MUSTN1: variants seen among roughly 807,000 people sequenced by gnomAD.
The protein encoded by MUSTN1 is musculoskeletal, embryonic nuclear protein 1.
Under a neutral mutation model 11.8 loss-of-function variants are expected in MUSTN1, and 14 were observed. The ratio of observed to expected loss-of-function variants is 1.18; its 90% CI spans 0.78 to 1.85. The LOEUF is 1.85. MUSTN1 is among the 40% of genes most tolerant of loss of function. The pLI is 0.00. For synonymous variants in MUSTN1, 42 were observed against 43.3 expected (o/e 0.97, Z 0.12); for missense variants, 111 against 108.8 (o/e 1.02, Z -0.09).
intron 2 of MUSTN1, 80 bp downstream of exon 2, chr3:52,833,537 G>T: frequency 6.3e-7 from 1 of 1,583,138 alleles, no homozygotes. Flanking sequence ...TCTCAGAAAA[G>T]GATCCTTGAC....
At chr3:52,834,652 G>GCACACACACACATACA in intron 1 of MUSTN1, 1 of 541,420 alleles carries the variant, frequency 1.8e-6, no homozygotes, top group Non-Finnish European at 3.3e-6. Flanking sequence ...ACACACAGAT[G>GCACACACACACATACA]CGCACACACA....
chr3:52,834,655 C>CAT (rs1700665964), intron 1 of MUSTN1: 2 of 566,268 alleles, frequency 3.5e-6, no homozygotes, highest in East Asian at 5.7e-5. Context: ...CACAGATGCG[C>CAT]ACACACACAC....
intron 1 of MUSTN1, 24 bp downstream of exon 1, chr3:52,834,916 A>G (rs780483028): frequency 1.2e-6 from 2 of 1,612,866 alleles, no homozygotes; most frequent in Non-Finnish European, 1.7e-6. Context: ...TGGCATCAAC[A>G]CAGCCCTTGC....
At position 52,833,439 on chromosome 3, in the gene MUSTN1, G is replaced by A. The variant is rs1700633245; in HGVS notation, c.143-9C>T. 1.2e-6 allele frequency: 2 copies of A among 1,609,702 alleles called. No individual in the cohort carries two copies. Among genetic ancestry groups the A allele is most frequent in the African/African-American group, 2.7e-5 (2 of 74,762 alleles). The stretch of plus-strand genomic sequence containing the variant: ...GGCCGAGCCAGCTTGCTCTGTGGGA[G>A]GAGGTAAAGTCAGGGGCCAGCCTAG... On this transcript the variant is annotated splice_polypyrimidine_tract_variant and intron_variant, in intron 2 of 2. Coordinates refer to ENST00000446157, the MANE Select transcript of MUSTN1 (RefSeq NM_205853.4).
rs753480019 is a variant in MUSTN1 at position 52,833,288 on chromosome 3, G to A, written c.*36C>T. ...GTTCCTGGGAAAGGCTCCTGTTTCC[G>A]AGCATTCGGGCAGCAAGGGGAGTGG... On this transcript the variant is annotated 3_prime_UTR_variant, in exon 3 of 3. Transcript: ENST00000446157. The A allele has an allele frequency of 5.6e-6, 9 of 1,613,086 alleles. No individual in the cohort carries two copies. The Admixed American group carries it at 8.3e-5, about 15-fold the overall frequency.
rs771308785 is a variant in MUSTN1, at chr3:52,833,634, T to A, written c.125A>T (p.Gln42Leu). 1 of 1,610,224 alleles carries A rather than the reference T, an allele frequency of 6.2e-7. No individual in the cohort carries two copies. Among genetic ancestry groups the A allele is most frequent in the South Asian group, 1.1e-5 (1 of 90,038 alleles). The change falls in exon 2 of 3, where the codon CAG becomes CTG. Residue 42 changes from glutamine to leucine, a missense_variant. Gln to Leu is a moderately radical substitution (Grantham distance 113). Transcript: ENST00000446157. Reference protein sequence around the residue: ...KNQEIKSKTYQVMRECEQAGS... With the variant: ...KNQEIKSKTYLVMRECEQAGS... ...ACACTCACCACACTCTCGCATGACCTGGTAGGTCTTGGACTTGATTTCCTG... is the reference window on the plus strand; with the variant it reads ...ACACTCACCACACTCTCGCATGACCAGGTAGGTCTTGGACTTGATTTCCTG...
chr3:52,833,675 T>C lies in MUSTN1; in HGVS notation c.84A>G (p.Gly28=). ...VKDEDLKGAR[G]NLTKNQEIKS... is the part of the protein sequence containing the mutation. ...TGATTTCCTGGTTCTTGGTCAGGTT[T>C]CCTCGGGCCCCCTTCAGGTCCTCGT... The change falls in exon 2 of 3, where the codon GGA becomes GGG. Residue 28 remains glycine (G), a synonymous_variant. Coordinates refer to ENST00000446157, the MANE Select transcript of MUSTN1 (RefSeq NM_205853.4). 1 of 1,605,076 alleles carries C rather than the reference T, an allele frequency of 6.2e-7. No homozygotes were observed. Among genetic ancestry groups the C allele is most frequent in the East Asian group, 2.2e-5 (1 of 44,574 alleles).
intron 1 of MUSTN1, 153 bp downstream of exon 1, chr3:52,834,787 G>A (rs1700669467): frequency 3.4e-6 from 3 of 881,706 alleles, no homozygotes; most frequent in Non-Finnish European, 5.5e-6. Flanking sequence ...GTTCTTCAGG[G>A]GGTCCTCCCT....
chr3:52,833,725 T>C lies in MUSTN1; in HGVS notation c.34A>G (p.Lys12Glu). 1 of 1,585,768 alleles carries C rather than the reference T, an allele frequency of 6.3e-7. No homozygotes were observed. The highest frequency in any genetic ancestry group is 2.3e-5 in the East Asian group (1 of 43,540). Residue 12 changes from lysine (K) to glutamate (E), a missense_variant, in exon 2 of 3, where the codon AAG becomes GAG. Transcript: ENST00000446157. ...SQAGAQEAPI[K>E]KKRPPVKDED... ...TCCTTCACAGGGGGGCGCTTCTTCT[T>C]GATAGGGGCTTCCTGAGCACCAGCC...
chr3:52,834,725 TC>T, intron 1 of MUSTN1: 1 of 681,574 alleles, frequency 1.5e-6, no homozygotes. Flanking sequence ...AACATTTCTC[TC>T]CACTCCTCCT....
Position 52,834,708 on chromosome 3 carries a change from C to G in MUSTN1, c.9+232G>C, listed in dbSNP as rs757213716. On this transcript the variant is annotated intron_variant, in intron 1 of 2. Coordinates refer to ENST00000446157, the MANE Select transcript of MUSTN1 (RefSeq NM_205853.4). ...TGCAAAGATCTATCTAGGCCCCCCC[C>G]ACCCCCAACATTTCTCTCCACTCCT... is the stretch of plus-strand genomic sequence containing the variant. 1.3e-4 allele frequency: 86 copies of G among 652,078 alleles called. No homozygotes were observed. The African/African-American group carries it at 1.4e-3, about 11-fold the overall frequency. The allele number at this position is 652,078 out of a possible 1,614,324, so 40.4% of individuals were successfully genotyped here.
Position 52,833,140 on chromosome 3 carries a change from A to G in MUSTN1, c.*184T>C. On this transcript the variant is annotated 3_prime_UTR_variant, in exon 3 of 3. Transcript: ENST00000446157. ...TTCTGATTGCTGGGGCCACGTGGGC[A>G]TCCTCTTTATTGGTGCTTCCAAGGT... The G allele has an allele frequency of 1.1e-6, 1 of 880,522 alleles. No individual in the cohort carries two copies. The allele number at this position is 880,522 out of a possible 1,614,324, so 54.5% of individuals were successfully genotyped here.
chr3:52,833,262 A>G lies in MUSTN1; in HGVS notation c.*62T>C. ...GAGGAAGCGTTCTGGCATAAAAAAG[A>G]GTTCCTGGGAAAGGCTCCTGTTTCC... On this transcript the variant is annotated 3_prime_UTR_variant, in exon 3 of 3. Transcript: ENST00000446157. 1 of 1,604,140 alleles carries G rather than the reference A, an allele frequency of 6.2e-7. No individual in the cohort carries two copies. Among genetic ancestry groups the G allele is most frequent in the Non-Finnish European group, 8.5e-7 (1 of 1,174,982 alleles).
chr3:52,833,385 G>A lies in MUSTN1; in HGVS notation c.188C>T (p.Thr63Ile), dbSNP rs781145239. Reference protein sequence around the residue: ...AAPSVFSRTRTGTETVFEKPK... With the variant: ...AAPSVFSRTRIGTETVFEKPK... The stretch of plus-strand genomic sequence containing the variant: ...CTTCTCAAAGACAGTCTCGGTACCT[G>A]TGCGGGTGCGGCTGAACACCGACGG... The change falls in exon 3 of 3, where the codon ACA becomes ATA. Residue 63 changes from threonine (T) to isoleucine (I), a missense_variant. Coordinates refer to ENST00000446157, the MANE Select transcript of MUSTN1 (RefSeq NM_205853.4). 3.1e-6 allele frequency: 5 copies of A among 1,613,960 alleles called. No homozygotes were observed. Among genetic ancestry groups the A allele is most frequent in the Middle Eastern group, 1.7e-4 (1 of 6,060 alleles).
chr3:52,833,858 T>G, intron 1 of MUSTN1, 109 bp from the exon 2 acceptor site: 6 of 1,459,688 alleles, frequency 4.1e-6, no homozygotes, highest in Non-Finnish European at 4.5e-6. Context: ...AACCCAAGCC[T>G]ATTCAAGGCT....
intron 1 of MUSTN1, 122 bp from the exon 2 acceptor site, chr3:52,833,871 A>C: frequency 7.0e-7 from 1 of 1,425,818 alleles, no homozygotes; most frequent in East Asian, 2.5e-5. Context: ...TCAAGGCTCT[A>C]CTCCTCTTCC....
chr3:52,834,929 G>A lies in MUSTN1; in HGVS notation c.9+11C>T. The A allele has an allele frequency of 1.9e-6, 3 of 1,613,512 alleles. 1 individual carries two copies. The highest frequency in any genetic ancestry group is 3.3e-4 in the Middle Eastern group (2 of 6,062). On this transcript the variant is annotated intron_variant, in intron 1 of 2. Transcript: ENST00000446157. Reference sequence around the variant, plus strand: ...TCTGGCATCAACACAGCCCTTGCTGGGTCCTCCTACCTGGGACATGGTGGG... The same window carrying A: ...TCTGGCATCAACACAGCCCTTGCTGAGTCCTCCTACCTGGGACATGGTGGG...
At chr3:52,834,726 C>G in intron 1 of MUSTN1, 1 of 692,086 alleles carries the variant, frequency 1.4e-6, no homozygotes, top group Non-Finnish European at 2.6e-6. Context: ...ACATTTCTCT[C>G]CACTCCTCCT....
chr3:52,833,582 C>T, intron 2 of MUSTN1, 35 bp downstream of exon 2: 1 of 1,606,176 alleles, frequency 6.2e-7, no homozygotes. Flanking sequence ...ACCTGCACCC[C>T]CATCCCCAGC....
Sources: gnomAD v4.1 joint callset for allele counts on GRCh38, gnomAD v4.1.1 for gene constraint, MANE v1.5 for transcripts, NCBI Gene and HGNC (gene_info 2026-07-23, HGNC 2026-07-21) for gene names.